The following PCDHA3 variants were observed in gnomAD, a reference collection of about 807,000 sequenced individuals.
The protein encoded by PCDHA3 is protocadherin alpha 3.
Under a neutral mutation model 62.2 loss-of-function variants are expected in PCDHA3, and 41 were observed. The observed-to-expected ratio is 0.66, with a 90% CI of 0.51 to 0.86. The LOEUF is 0.86. Among genes scored for constraint, PCDHA3 ranks in the 40% least tolerant of loss-of-function variants. The probability of loss-of-function intolerance (pLI) is 0.00; values close to 1 mark genes in which losing one functional copy is unlikely to be tolerated. For synonymous variants in PCDHA3, 640 were observed against 555.4 expected (o/e 1.15, Z -2.14); for missense variants, 1,304 against 1,241.2 (o/e 1.05, Z -0.76).
At chr5:140,964,378 T>A (rs182628269) in intron 1 of PCDHA3, among the ~76,000 whole-genome samples, 1 of 151,270 alleles carries the variant, frequency 6.6e-6, no homozygotes, top group Non-Finnish European at 1.5e-5. Context: ...GAAAGGAGAG[T>A]CCTGGTTTTT....
At chr5:140,836,986 CTT>C (rs1370800263) in intron 1 of PCDHA3, 2 of 355,684 alleles carry the variant, frequency 5.6e-6, no homozygotes, top group Non-Finnish European at 9.9e-6. Context: ...TGGAGGAGGA[CTT>C]TGCTAACTGG....
At chr5:140,807,189 T>C (rs1554123777) in intron 1 of PCDHA3, 3 of 1,613,154 alleles carry the variant, frequency 1.9e-6, no homozygotes, top group Admixed American at 1.7e-5. Context: ...GCACTAAAGA[T>C]GGAGTTTTCC....
chr5:140,837,766 TCCTGGG>T (rs1439414038), intron 1 of PCDHA3, among the ~76,000 whole-genome samples: 1 of 151,794 alleles, frequency 6.6e-6, no homozygotes, highest in Admixed American at 6.6e-5. Context: ...AACCTGAAAG[TCCTGGG>T]CTCACAGGAT....
rs2150312229 is a variant in PCDHA3 at position 140,841,232 on chromosome 5, T to C, written c.2394+37641T>C. 327 of 1,468,172 alleles carry C rather than the reference T, an allele frequency of 2.2e-4. 4 individuals are homozygous for C. Among genetic ancestry groups the C allele is most frequent in the Non-Finnish European group, 2.9e-4 (317 of 1,091,800 alleles). 90.9% of individuals were successfully genotyped at this position (1,468,172 alleles called of 1,614,324 possible). Reference sequence around the variant, plus strand: ...TCTCTAAAGGCCGAACAACGGGAGATGCAGCGGAATTGGATTAAAAGACTC... The same window carrying C: ...TCTCTAAAGGCCGAACAACGGGAGACGCAGCGGAATTGGATTAAAAGACTC... On this transcript the variant is annotated intron_variant, in intron 1 of 3. Coordinates refer to ENST00000522353, the MANE Select transcript of PCDHA3 (RefSeq NM_018906.3).
chr5:140,956,060 G>A (rs1021406649), intron 1 of PCDHA3, among the ~76,000 whole-genome samples: 12 of 152,074 alleles, frequency 7.9e-5, no homozygotes, highest in African/African-American at 2.9e-4. Context: ...GAGACAATGG[G>A]GTTTTCCAGA....
At chr5:140,875,760 C>T (rs781811926) in intron 1 of PCDHA3, 8 of 1,614,080 alleles carry the variant, frequency 5.0e-6, no homozygotes, top group Non-Finnish European at 5.9e-6. Context: ...AGAAGCTGTG[C>T]GGGCGGAGCG....
At chr5:140,838,413 C>G (rs1304271115) in intron 1 of PCDHA3, among the ~76,000 whole-genome samples, 1 of 151,456 alleles carries the variant, frequency 6.6e-6, no homozygotes, top group East Asian at 1.9e-4. Flanking sequence ...AGTGAGCCAC[C>G]GCATCCGGCC....
At chr5:140,981,824 C>T (rs1350256595) in intron 2 of PCDHA3, among the ~76,000 whole-genome samples, 4 of 152,108 alleles carry the variant, frequency 2.6e-5, no homozygotes, top group African/African-American at 7.2e-5. Flanking sequence ...CTCTGCTTGC[C>T]TCTAAAGGTC....
intron 1 of PCDHA3, chr5:140,883,557 G>A (rs868923862): frequency 6.2e-7 from 1 of 1,614,214 alleles, no homozygotes; most frequent in Non-Finnish European, 8.5e-7. Flanking sequence ...GCGCGGGACG[G>A]GGGCTCGCCT....
intron 1 of PCDHA3, among the ~76,000 whole-genome samples, chr5:140,819,082 C>T (rs1766488207): frequency 6.6e-6 from 1 of 152,134 alleles, no homozygotes; most frequent in South Asian, 2.1e-4. Context: ...ACAGGCAGCG[C>T]TAAGATGTGT....
At chr5:140,934,163 G>A (rs2153618590) in intron 1 of PCDHA3, among the ~76,000 whole-genome samples, 1 of 152,110 alleles carries the variant, frequency 6.6e-6, no homozygotes, top group Non-Finnish European at 1.5e-5. Flanking sequence ...ATTTCAGTGT[G>A]CAACAGAAGT....
At chr5:140,830,022 G>A in intron 1 of PCDHA3, 2 of 1,613,860 alleles carry the variant, frequency 1.2e-6, no homozygotes, top group Non-Finnish European at 8.5e-7. Flanking sequence ...GACTCTCCGC[G>A]CCACCGGCTG....
At chr5:140,880,123 C>T (rs1315267493) in intron 1 of PCDHA3, among the ~76,000 whole-genome samples, 3 of 152,118 alleles carry the variant, frequency 2.0e-5, no homozygotes, top group African/African-American at 7.2e-5. Flanking sequence ...CAACAGGAAG[C>T]TGAAATAAAG....
Position 140,871,393 on chromosome 5 carries a change from C to G in PCDHA3, c.2394+67802C>G, listed in dbSNP as rs782354799. The G allele has an allele frequency of 6.2e-6, 10 of 1,614,130 alleles. No individual in the cohort carries two copies. The East Asian group carries it at 2.2e-4, about 36-fold the overall frequency. ...GAGGGTGTGCTCTGAGGAGGGCCCA[C>G]CTAAGACGGACCTCATGGCCTTCAG... On this transcript the variant is annotated intron_variant, in intron 1 of 3. Transcript: ENST00000522353.
chr5:140,900,566 G>A (rs1554189260), intron 1 of PCDHA3, among the ~76,000 whole-genome samples: 1 of 152,054 alleles, frequency 6.6e-6, no homozygotes, highest in Non-Finnish European at 1.5e-5. Flanking sequence ...CGTGAGCCAC[G>A]GCACCGGCCC....
intron 1 of PCDHA3, chr5:140,835,785 A>G (rs2150244615): frequency 1.2e-6 from 2 of 1,613,238 alleles, no homozygotes; most frequent in Admixed American, 3.3e-5. Context: ...GAAGGAGAAC[A>G]ACCCGCCGGG....
chr5:140,894,941 C>T (rs2064738715), intron 1 of PCDHA3, among the ~76,000 whole-genome samples: 1 of 152,272 alleles, frequency 6.6e-6, no homozygotes, highest in East Asian at 1.9e-4. Context: ...CAGCTATTGT[C>T]ATGAAATGAT....
intron 1 of PCDHA3, chr5:140,857,836 G>T: frequency 6.3e-7 from 1 of 1,597,926 alleles, no homozygotes; most frequent in Non-Finnish European, 8.6e-7. Context: ...TGCGCGCAGT[G>T]GACGCTGACT....
At chr5:140,830,182 C>G (rs2150182524) in intron 1 of PCDHA3, 11 of 1,613,538 alleles carry the variant, frequency 6.8e-6, no homozygotes, top group Non-Finnish European at 8.5e-6. Flanking sequence ...TGGATGTCAA[C>G]GTGTACCTGA....
Sources: gnomAD v4.1 joint callset for allele counts (sites outside exome capture counted in the v4.1 genomes callset) on GRCh38, gnomAD v4.1.1 for gene constraint, MANE v1.5 for transcripts, NCBI Gene and HGNC (gene_info 2026-07-23, HGNC 2026-07-21) for gene names.